The following TERT variants were observed in gnomAD, a reference collection of about 807,000 sequenced individuals.
The protein encoded by TERT is telomerase reverse transcriptase.
A neutral mutation model predicts 104.0 loss-of-function variants in TERT; 42 were observed. The observed-to-expected ratio is 0.40, with a 90% CI of 0.32 to 0.52. The LOEUF is 0.52. TERT is among the 20% of genes least tolerant of loss of function. TERT has a pLI of 0.43. For missense variants in TERT, 1,101 were observed against 1,610.3 expected (o/e 0.68, Z 5.41); for synonymous variants, 781 against 725.6 (o/e 1.08, Z -1.23).
rs1242921831 is a variant in TERT at position 1,268,987 on chromosome 5, T to C, written c.2469-354A>G. Among the ~76,000 whole-genome samples the C allele has an allele frequency of 1.3e-5, 2 of 151,986 alleles. No homozygotes were observed. Among genetic ancestry groups the C allele is most frequent in the Non-Finnish European group, 2.9e-5 (2 of 67,990 alleles). On this transcript the variant is annotated intron_variant, in intron 8 of 15. Transcript: ENST00000310581. This position sits in a 1 kb window ranked among gnomAD's most constrained non-coding sequence, Gnocchi z 5.5. ...CTTAACCGGACTCCTTTTTTTTTTT[T>C]CAAGGAATTTGTCCACGGTGAAAGA...
rs573645913 is a variant in TERT at position 1,262,385 on chromosome 5, T to C, written c.2844-1785A>G. 6.6e-5 allele frequency among the ~76,000 whole-genome samples: 10 copies of C among 152,366 alleles called. No homozygotes were observed. Among genetic ancestry groups the C allele is most frequent in the Non-Finnish European group, 1.2e-4 (8 of 68,032 alleles). On this transcript the variant is annotated intron_variant, in intron 11 of 15. Coordinates refer to ENST00000310581, the MANE Select transcript of TERT (RefSeq NM_198253.3). This position sits in a 1 kb window ranked among gnomAD's most constrained non-coding sequence, Gnocchi z 5.6. Reference sequence around the variant, plus strand: ...TCAGTTCTGACCACATTCTACCATCTGAGCTGTGGTTTGGGAGACTAAAAT... The same window carrying C: ...TCAGTTCTGACCACATTCTACCATCCGAGCTGTGGTTTGGGAGACTAAAAT...
At chr5:1,291,986 T>A (rs1751021949) in intron 2 of TERT, among the ~76,000 whole-genome samples, 1 of 152,166 alleles carries the variant, frequency 6.6e-6, no homozygotes, top group Non-Finnish European at 1.5e-5. Context: ...GTTCGATGGG[T>A]AGGGACTTCC....
chr5:1,279,349 C>T lies in TERT; in HGVS notation c.2072G>A (p.Arg691His), dbSNP rs202123213. Residue 691 changes from arginine (R) to histidine (H), a missense_variant, in exon 5 of 16, where the codon CGC becomes CAC. By Grantham distance (29) the Arg-to-His change is conservative (BLOSUM62 0). Around this residue, in one of 5 missense-constraint regions of TERT, gnomAD observed 463 missense variants for 797.5 expected, o/e 0.58. Transcript: ENST00000310581. ...LGLDDIHRAW[R>H]TFVLRVRAQD... The stretch of plus-strand genomic sequence containing the variant: ...GGCCCGCACACGCAGCACGAAGGTG[C>T]GCCAGGCCCTGTGGATATCGTCCAG... The T allele has an allele frequency of 3.8e-6, 6 of 1,581,936 alleles. No individual in the cohort carries two copies. In the African/African-American group the frequency reaches 4.0e-5, roughly 11 times the overall value.
chr5:1,271,796 G>C (rs1491002540), intron 7 of TERT, among the ~76,000 whole-genome samples: 1 of 152,122 alleles, frequency 6.6e-6, no homozygotes, highest in Non-Finnish European at 1.5e-5. Flanking sequence ...GTTTCCTTTG[G>C]CCTCAGACCC....
rs1262810290 is a variant in TERT, at chr5:1,255,867, C to T, written c.3033-456G>A. Among the ~76,000 whole-genome samples, 1 of 152,092 alleles carries T rather than the reference C, an allele frequency of 6.6e-6. No individual in the cohort carries two copies. Among genetic ancestry groups the T allele is most frequent in the East Asian group, 1.9e-4 (1 of 5,186 alleles). On this transcript the variant is annotated intron_variant, in intron 13 of 15. Transcript: ENST00000310581. This position sits in a 1 kb window ranked among gnomAD's most constrained non-coding sequence, Gnocchi z 6.9. ...CTGCGCATCCCTTCTGAGCCACCCG[C>T]CCCTGTGGTGCATAAACCCTGGGTC...
In TERT at chr5:1,267,059, G is replaced by A. The variant is rs973865253; in HGVS notation, c.2583-524C>T. Among the ~76,000 whole-genome samples, 5 of 152,198 alleles carry A rather than the reference G, an allele frequency of 3.3e-5. No individual in the cohort carries two copies. The East Asian group carries it at 7.7e-4, about 23-fold the overall frequency. ...GTCCCAGAGGGCTGACCAGTGTGCC[G>A]CCAGCTCGAGGACACTTTCCTCCAA... On this transcript the variant is annotated intron_variant, in intron 9 of 15. Transcript: ENST00000310581.
chr5:1,272,105 C>T (rs984346657), intron 7 of TERT, 80 bp downstream of exon 7: 103 of 1,183,136 alleles, frequency 8.7e-5, no homozygotes, highest in Middle Eastern at 2.4e-4. Flanking sequence ...ACAGTCTGTC[C>T]GGTCATGAGC....
chr5:1,277,608 G>C (rs555960218), intron 6 of TERT, among the ~76,000 whole-genome samples: 6 of 149,808 alleles, frequency 4.0e-5, no homozygotes, highest in East Asian at 2.0e-4. Flanking sequence ...GGGGATGTGG[G>C]GGGGGGTCTC....
intron 2 of TERT, among the ~76,000 whole-genome samples, chr5:1,283,792 C>A (rs1338287885): frequency 1.3e-5 from 2 of 149,798 alleles, no homozygotes; most frequent in African/African-American, 2.5e-5. Flanking sequence ...AGACCTGCAC[C>A]ATCCGGACAC....
At chr5:1,285,695 G>C (rs1007435549) in intron 2 of TERT, among the ~76,000 whole-genome samples, 2 of 148,124 alleles carry the variant, frequency 1.4e-5, no homozygotes, top group South Asian at 2.2e-4. Context: ...TCAGCCTCCC[G>C]AGTAGCTGGG....
rs1235201599 is a variant in TERT at position 1,295,004 on chromosome 5, G to A, written c.-15C>T. 4 of 1,307,504 alleles carry A rather than the reference G, an allele frequency of 3.1e-6. No individual in the cohort carries two copies. In the South Asian group the frequency reaches 9.4e-5, roughly 31 times the overall value. The allele number at this position is 1,307,504 out of a possible 1,614,324, so 81.0% of individuals were successfully genotyped here. On this transcript the variant is annotated 5_prime_UTR_variant, in exon 1 of 16. Transcript: ENST00000310581. ...GCGCGCGGCATCGCGGGGGTGGCCG[G>A]GGCCAGGGCTTCCCACGTGCGCAGC...
chr5:1,266,138 G>T (rs1748582982), intron 10 of TERT, among the ~76,000 whole-genome samples: 1 of 151,940 alleles, frequency 6.6e-6, no homozygotes, highest in Non-Finnish European at 1.5e-5. Context: ...GCTCCTGGGG[G>T]TCTCACTGGG....
Position 1,254,136 on chromosome 5 carries a change from C to T in TERT, c.3295+232G>A, listed in dbSNP as rs34996780. Among the ~76,000 whole-genome samples the T allele has an allele frequency of 0.06, 9,193 of 152,230 alleles. 905 individuals are homozygous for T. Among genetic ancestry groups the T allele is most frequent in the African/African-American group, 0.21 (8,688 of 41,488 alleles). On this transcript the variant is annotated intron_variant, in intron 15 of 15. Coordinates refer to ENST00000310581, the MANE Select transcript of TERT (RefSeq NM_198253.3). ...AAGGCTCCCAAGCGTGGGGAGCCATCGCCCCTGAGATGGGAAGCAGGGGTT... is the reference window on the plus strand; with the variant it reads ...AAGGCTCCCAAGCGTGGGGAGCCATTGCCCCTGAGATGGGAAGCAGGGGTT...
chr5:1,282,374 C>T (rs573879950), intron 3 of TERT, 55 bp downstream of exon 3: 17 of 1,580,996 alleles, frequency 1.1e-5, no homozygotes, highest in African/African-American at 6.7e-5. Context: ...ATGCTGAGGC[C>T]GGGCTGGTGT....
Position 1,255,169 on chromosome 5 carries a change from C to T in TERT, c.3157+118G>A. ...CGAGCCTGACAGTGGTTGGGTTAAA[C>T]CACTTCCTGATGCGAAAAGGGGTAA... On this transcript the variant is annotated intron_variant, in intron 14 of 15. Transcript: ENST00000310581. This position sits in a 1 kb window ranked among gnomAD's most constrained non-coding sequence, Gnocchi z 6.9. 3 of 1,398,900 alleles carry T rather than the reference C, an allele frequency of 2.1e-6. No homozygotes were observed. Among genetic ancestry groups the T allele is most frequent in the Non-Finnish European group, 3.0e-6 (3 of 1,016,464 alleles). The allele number at this position is 1,398,900 out of a possible 1,614,324, so 86.7% of individuals were successfully genotyped here.
Position 1,295,050 on chromosome 5 carries a change from A to C in TERT, c.-61T>G, listed in dbSNP as rs2126693708. ...GCAGCAGGACGCAGCGCTGCCTGAA[A>C]CTCGCGCCGCGAGGAGAGGGCGGGG... On this transcript the variant is annotated 5_prime_UTR_variant, in exon 1 of 16. Coordinates refer to ENST00000310581, the MANE Select transcript of TERT (RefSeq NM_198253.3). The C allele has an allele frequency of 4.5e-6, 5 of 1,103,920 alleles. No individual in the cohort carries two copies. The highest frequency in any genetic ancestry group is 3.7e-5 in the South Asian group (1 of 27,156). The allele number at this position is 1,103,920 out of a possible 1,614,324, so 68.4% of individuals were successfully genotyped here.
rs762183076 is a variant in TERT at position 1,274,635 on chromosome 5, T to C, written c.2287-2355A>G. ...TGCGCCTCTGAGCACCGCATGCCAC[T>C]GCTGATCTGAGAGGGGCGGGGCTCA... On this transcript the variant is annotated intron_variant, in intron 6 of 15. Coordinates refer to ENST00000310581, the MANE Select transcript of TERT (RefSeq NM_198253.3). The surrounding 1 kb of genome is among the most constrained non-coding windows in gnomAD (Gnocchi z 5.3). Among the ~76,000 whole-genome samples, 2 of 152,200 alleles carry C rather than the reference T, an allele frequency of 1.3e-5. No homozygotes were observed. The highest frequency in any genetic ancestry group is 2.4e-5 in the African/African-American group (1 of 41,456).
intron 12 of TERT, among the ~76,000 whole-genome samples, chr5:1,258,935 G>A (rs538633809): frequency 6.6e-6 from 1 of 151,864 alleles, no homozygotes; most frequent in East Asian, 1.9e-4. Flanking sequence ...CACAGAGAGG[G>A]GAGGTGGACG....
rs767263536 is a variant in TERT, at chr5:1,292,551, C to T, written c.1573+762G>A. Among the ~76,000 whole-genome samples, 65 of 152,056 alleles carry T rather than the reference C, an allele frequency of 4.3e-4. 1 individual carries two copies. Among genetic ancestry groups the T allele is most frequent in the Admixed American group, 5.9e-4 (9 of 15,274 alleles). ...TTTAAAGACAGAGTTTCACTCTTGT[C>T]GCCCAGGCTGGAGTACAATGGCACA... is the stretch of plus-strand genomic sequence containing the variant. On this transcript the variant is annotated intron_variant, in intron 2 of 15. Transcript: ENST00000310581. This position sits in a 1 kb window ranked among gnomAD's most constrained non-coding sequence, Gnocchi z 5.5.
Sources: allele counts gnomAD v4.1 joint callset (sites outside exome capture counted in the v4.1 genomes callset), GRCh38; gene constraint gnomAD v4.1.1; regional missense constraint gnomAD v4.1.1; non-coding constraint Gnocchi (gnomAD v3.1); transcripts MANE v1.5; gene names NCBI Gene and HGNC (gene_info 2026-07-23, HGNC 2026-07-21).